GRIK4: variants seen among roughly 807,000 people sequenced by gnomAD.
GRIK4 encodes the protein glutamate receptor ionotropic, kainate 4.
GRIK4 carries 40 observed loss-of-function variants against 104.9 expected under a neutral mutation model. That is an observed-to-expected ratio of 0.38 (90% CI 0.30 to 0.50). The LOEUF (loss-of-function observed/expected upper bound fraction) is 0.50. Ranked by LOEUF, GRIK4 falls within the 20% of genes least tolerant of loss-of-function variation. The probability of loss-of-function intolerance (pLI) is 0.93; values close to 1 mark genes in which losing one functional copy is unlikely to be tolerated. For missense variants in GRIK4, 1,047 were observed against 1,308.1 expected (o/e 0.80, Z 3.08); for synonymous variants, 485 against 524.9 (o/e 0.92, Z 1.04).
chr11:120,536,497 T>C (rs1947976760), intron 1 of GRIK4, among the ~76,000 whole-genome samples: 2 of 152,160 alleles, frequency 1.3e-5, no homozygotes, highest in Non-Finnish European at 2.9e-5. Flanking sequence ...ACCTGGAACA[T>C]TGATTACAGA....
At chr11:120,749,800 C>T (rs1951514238) in intron 3 of GRIK4, among the ~76,000 whole-genome samples, 1 of 152,172 alleles carries the variant, frequency 6.6e-6, no homozygotes, top group South Asian at 2.1e-4. Flanking sequence ...GACTGATGGG[C>T]TCAGCGGTGG....
intron 1 of GRIK4, among the ~76,000 whole-genome samples, chr11:120,649,096 C>T (rs530583334): frequency 1.6e-4 from 25 of 152,198 alleles, no homozygotes; most frequent in Admixed American, 1.1e-3. Context: ...TAGGCAATTC[C>T]GAGAGACTAT....
At chr11:120,742,625 C>T (rs544035085) in intron 3 of GRIK4, among the ~76,000 whole-genome samples, 1 of 151,672 alleles carries the variant, frequency 6.6e-6, no homozygotes, top group Non-Finnish European at 1.5e-5. Flanking sequence ...CAGATGCTGT[C>T]GAGGTTGCAG....
chr11:120,908,832 G>T (rs561490310), intron 13 of GRIK4, among the ~76,000 whole-genome samples: 1 of 152,324 alleles, frequency 6.6e-6, no homozygotes, highest in East Asian at 1.9e-4. Flanking sequence ...TGTGCGCCCA[G>T]ACCCTTTGGC....
At chr11:120,639,660 G>A (rs1949445823) in intron 1 of GRIK4, among the ~76,000 whole-genome samples, 1 of 152,090 alleles carries the variant, frequency 6.6e-6, no homozygotes, top group East Asian at 1.9e-4. Context: ...CTCCTAAAAA[G>A]CTCGCAAATG....
At chr11:120,640,953 C>T (rs963736385) in intron 1 of GRIK4, among the ~76,000 whole-genome samples, 6 of 152,248 alleles carry the variant, frequency 3.9e-5, no homozygotes, top group African/African-American at 1.4e-4. Context: ...CTCAGGCAAT[C>T]TGCCCACCTT....
intron 1 of GRIK4, among the ~76,000 whole-genome samples, chr11:120,599,311 A>G (rs1948849042): frequency 1.3e-5 from 2 of 152,218 alleles, no homozygotes; most frequent in Non-Finnish European, 2.9e-5. Context: ...GCTGCTGCAG[A>G]TGAACCTGGA....
chr11:120,831,078 C>A (rs1179090528), intron 6 of GRIK4, among the ~76,000 whole-genome samples: 1 of 152,060 alleles, frequency 6.6e-6, no homozygotes, highest in Non-Finnish European at 1.5e-5. Flanking sequence ...GGTGCACAGT[C>A]CCTTTTTTCT....
intron 3 of GRIK4, among the ~76,000 whole-genome samples, chr11:120,741,724 C>T (rs551213732): frequency 6.6e-6 from 1 of 152,330 alleles, no homozygotes; most frequent in South Asian, 2.1e-4. Flanking sequence ...AAAATGCCTT[C>T]TGTTTTCATT....
chr11:120,910,736 C>T (rs965582360), intron 13 of GRIK4, among the ~76,000 whole-genome samples: 2 of 152,148 alleles, frequency 1.3e-5, no homozygotes, highest in African/African-American at 4.8e-5. Context: ...CTCAAGGAGG[C>T]CACTCTTTGA....
intron 1 of GRIK4, among the ~76,000 whole-genome samples, chr11:120,557,231 T>C (rs1038634979): frequency 2.6e-5 from 4 of 152,228 alleles, no homozygotes; most frequent in Non-Finnish European, 4.4e-5. Flanking sequence ...TTGCCTCTCC[T>C]GTCCCCCCCG....
chr11:120,652,272 T>C (rs930150868), intron 1 of GRIK4, among the ~76,000 whole-genome samples: 1 of 152,198 alleles, frequency 6.6e-6, no homozygotes, highest in Admixed American at 6.5e-5. Flanking sequence ...GATCATCTAG[T>C]CTAATTCCCT....
intron 11 of GRIK4, among the ~76,000 whole-genome samples, chr11:120,880,887 C>T (rs1354406692): frequency 6.6e-6 from 1 of 152,096 alleles, no homozygotes; most frequent in African/African-American, 2.4e-5. Context: ...TTTTGAGCAC[C>T]TTCTCTGTGT....
At chr11:120,724,958 A>T (rs1267653505) in intron 3 of GRIK4, among the ~76,000 whole-genome samples, 1 of 152,326 alleles carries the variant, frequency 6.6e-6, no homozygotes, top group Non-Finnish European at 1.5e-5. Flanking sequence ...GGGTGCAAAC[A>T]TCTGACTCTT....
intron 13 of GRIK4, among the ~76,000 whole-genome samples, chr11:120,928,213 T>TAAAAAAAA (rs5795252): frequency 7.9e-6 from 1 of 126,350 alleles, no homozygotes; most frequent in Non-Finnish European, 1.6e-5. Context: ...GACTCCGTCT[T>TAAAAAAAA]AAAAAAAAAA....
chr11:120,769,252 T>G (rs1278954678), intron 3 of GRIK4, among the ~76,000 whole-genome samples: 1 of 152,284 alleles, frequency 6.6e-6, no homozygotes, highest in Admixed American at 6.5e-5. Flanking sequence ...TTCTTCCTGA[T>G]TCAATCTTGG....
intron 1 of GRIK4, among the ~76,000 whole-genome samples, chr11:120,632,894 C>G (rs1365098359): frequency 6.6e-6 from 1 of 152,148 alleles, no homozygotes; most frequent in Admixed American, 6.5e-5. Flanking sequence ...TTGTTACTAG[C>G]TCACGTCTTA....
At chr11:120,879,069 A>G (rs1954894051) in intron 11 of GRIK4, among the ~76,000 whole-genome samples, 1 of 152,196 alleles carries the variant, frequency 6.6e-6, no homozygotes. Context: ...CCATTTCACC[A>G]ATAAGAATAT....
At chr11:120,611,543 A>C (rs1949038074) in intron 1 of GRIK4, among the ~76,000 whole-genome samples, 3 of 152,196 alleles carry the variant, frequency 2.0e-5, no homozygotes, top group Admixed American at 2.0e-4. Flanking sequence ...TGTTATCATC[A>C]TGATTTGCTT....
Sources: allele counts gnomAD v4.1 joint callset (sites outside exome capture counted in the v4.1 genomes callset), GRCh38; gene constraint gnomAD v4.1.1; transcripts MANE v1.5; gene names NCBI Gene and HGNC (gene_info 2026-07-23, HGNC 2026-07-21).